The following RBFOX1 variants were observed in gnomAD, a reference collection of about 807,000 sequenced individuals.
RBFOX1 encodes the protein RNA binding fox-1 homolog 1, also known as RNA binding protein fox-1 homolog 1.
In RBFOX1, 8 loss-of-function variants were observed where a neutral mutation model predicts 57.7. The observed-to-expected ratio is 0.14, with a 90% CI of 0.08 to 0.25. The LOEUF (loss-of-function observed/expected upper bound fraction) is 0.25. RBFOX1 is among the 10% of genes least tolerant of loss of function. The pLI, the probability that RBFOX1 is intolerant of heterozygous loss-of-function variation, is 1.00. For missense variants in RBFOX1, 611 were observed against 548.5 expected (o/e 1.11, Z -1.14); for synonymous variants, 326 against 222.4 (o/e 1.47, Z -4.15).
intron 14 of RBFOX1, among the ~76,000 whole-genome samples, chr16:7,703,719 A>C (rs1321351218): frequency 2.6e-5 from 4 of 152,200 alleles, no homozygotes; most frequent in Non-Finnish European, 2.9e-5. Flanking sequence ...CACTTTAACA[A>C]ACACGGGTTT....
intron 3 of RBFOX1, among the ~76,000 whole-genome samples, chr16:5,674,817 C>T (rs1231353045): frequency 6.6e-6 from 1 of 152,132 alleles, no homozygotes; most frequent in Non-Finnish European, 1.5e-5. Context: ...ATATATAATG[C>T]TGGTCTGGCG....
intron 3 of RBFOX1, among the ~76,000 whole-genome samples, chr16:6,766,031 A>G (rs1232482791): frequency 2.0e-5 from 3 of 152,164 alleles, no homozygotes; most frequent in East Asian, 1.9e-4. Flanking sequence ...AGTACAACGT[A>G]CACTACTCGG....
At chr16:5,736,026 A>T (rs951638810) in intron 3 of RBFOX1, among the ~76,000 whole-genome samples, 7 of 152,092 alleles carry the variant, frequency 4.6e-5, no homozygotes, top group African/African-American at 1.7e-4. Flanking sequence ...TGTTCAGAGG[A>T]ACAAAGACGG....
chr16:5,578,422 C>T (rs1333876633), intron 2 of RBFOX1, among the ~76,000 whole-genome samples: 1 of 152,158 alleles, frequency 6.6e-6, no homozygotes, highest in Admixed American at 6.5e-5. Flanking sequence ...TTCCCTTATC[C>T]TCCCTGAATC....
At chr16:7,354,368 A>G (rs1568373654) in intron 4 of RBFOX1, among the ~76,000 whole-genome samples, 1 of 152,146 alleles carries the variant, frequency 6.6e-6, no homozygotes, top group Non-Finnish European at 1.5e-5. Context: ...TCTTTCTATT[A>G]CCTGTGTTTG....
chr16:6,517,590 T>A (rs1567526761), intron 2 of RBFOX1, among the ~76,000 whole-genome samples: 1 of 152,120 alleles, frequency 6.6e-6, no homozygotes, highest in African/African-American at 2.4e-5. Context: ...TGCTTTGTGT[T>A]TCAGAGAGTG....
chr16:7,178,718 C>T (rs1365138535), intron 4 of RBFOX1, among the ~76,000 whole-genome samples: 1 of 152,144 alleles, frequency 6.6e-6, no homozygotes, highest in African/African-American at 2.4e-5. Context: ...TTTTGTTAAT[C>T]ACATGCCGGA....
intron 5 of RBFOX1, among the ~76,000 whole-genome samples, chr16:7,556,011 A>T (rs9938216): frequency 0.29 from 42,590 of 146,508 alleles, 6,757 homozygotes; most frequent in Non-Finnish European, 0.36. Flanking sequence ...TTGCATACTT[A>T]GTGCTTAATG....
chr16:6,178,857 T>C (rs2097037167), intron 1 of RBFOX1, among the ~76,000 whole-genome samples: 6 of 152,206 alleles, frequency 3.9e-5, no homozygotes, highest in Admixed American at 3.9e-4. Flanking sequence ...TAAATACAGA[T>C]TGGCATTTTC....
At chr16:6,762,918 A>G (rs1018092981) in intron 3 of RBFOX1, among the ~76,000 whole-genome samples, 4 of 152,194 alleles carry the variant, frequency 2.6e-5, no homozygotes, top group Admixed American at 2.6e-4. Context: ...GAAAGGTAGC[A>G]TCTGAGCTGA....
At chr16:5,362,298 C>G (rs2065574531) in intron 1 of RBFOX1, among the ~76,000 whole-genome samples, 1 of 152,078 alleles carries the variant, frequency 6.6e-6, no homozygotes, top group African/African-American at 2.4e-5. Flanking sequence ...TTAAGTGATT[C>G]TCTTGCCTCA....
chr16:6,441,710 G>A (rs149057705), intron 2 of RBFOX1, among the ~76,000 whole-genome samples: 4 of 152,192 alleles, frequency 2.6e-5, no homozygotes, highest in East Asian at 1.9e-4. Context: ...GAGCCACCTC[G>A]TGCAGTCAGC....
chr16:6,829,735 G>A (rs2092559196), intron 3 of RBFOX1, among the ~76,000 whole-genome samples: 2 of 151,848 alleles, frequency 1.3e-5, no homozygotes, highest in African/African-American at 4.8e-5. Flanking sequence ...CTGAGTAGCT[G>A]GAATTACAGG....
intron 4 of RBFOX1, among the ~76,000 whole-genome samples, chr16:7,219,944 G>A (rs2092595273): frequency 6.6e-6 from 1 of 152,120 alleles, no homozygotes; most frequent in Non-Finnish European, 1.5e-5. Context: ...AGCTATTTAG[G>A]AAATTTTCTG....
chr16:6,889,456 T>C (rs2077195398), intron 3 of RBFOX1, among the ~76,000 whole-genome samples: 1 of 152,236 alleles, frequency 6.6e-6, no homozygotes, highest in Admixed American at 6.5e-5. Context: ...CAGATAACTT[T>C]GAGAAATGGG....
At chr16:7,554,663 AT>A (rs1301168948) in intron 5 of RBFOX1, among the ~76,000 whole-genome samples, 1 of 150,556 alleles carries the variant, frequency 6.6e-6, no homozygotes, top group African/African-American at 2.4e-5. Context: ...TTTTTTTTTA[AT>A]TTTTTTATTT....
intron 4 of RBFOX1, among the ~76,000 whole-genome samples, chr16:7,085,468 G>A (rs923552322): frequency 1.7e-4 from 26 of 152,268 alleles, no homozygotes; most frequent in African/African-American, 3.1e-4. Flanking sequence ...GAACTGCACC[G>A]TCAGGGTATT....
At position 5,892,894 on chromosome 16, in the gene RBFOX1, A is replaced by G. The variant is rs192447621; in HGVS notation, c.351+25559A>G. Among the ~76,000 whole-genome samples the G allele has an allele frequency of 5.5e-4, 84 of 152,318 alleles. 4 individuals are homozygous for G. The highest frequency in any genetic ancestry group is 5.0e-3 in the Admixed American group (76 of 15,300). On this transcript the variant is annotated intron_variant, in intron 4 of 19. Coordinates refer to the RBFOX1 transcript ENST00000641259. The stretch of plus-strand genomic sequence containing the variant: ...CCATGAGAGGGGGTTGCAGATGTCA[A>G]CAGGGGCTGTAGGCCTTGAATAAAG...
intron 4 of RBFOX1, among the ~76,000 whole-genome samples, chr16:7,494,454 G>C (rs1280800219): frequency 5.3e-5 from 8 of 152,090 alleles, no homozygotes; most frequent in Non-Finnish European, 1.0e-4. Context: ...GGCTGGGTTT[G>C]ATGGATTATT....
Sources: gnomAD v4.1 joint callset for allele counts (sites outside exome capture counted in the v4.1 genomes callset) on GRCh38, gnomAD v4.1.1 for gene constraint, MANE v1.5 for transcripts, NCBI Gene and HGNC (gene_info 2026-07-23, HGNC 2026-07-21) for gene names.